Variants in REEP1 observed in about 807,000 individuals in gnomAD.
REEP1 encodes receptor accessory protein 1.
REEP1 carries 22 observed loss-of-function variants against 40.3 expected under a neutral mutation model. The observed-to-expected ratio is 0.55, with a 90% confidence interval of 0.39 to 0.78. The LOEUF is 0.78. Among genes scored for constraint, REEP1 ranks in the 30% least tolerant of loss-of-function variants. The pLI is 0.00. For missense variants in REEP1, 280 were observed against 361.1 expected (o/e 0.78, Z 1.82); for synonymous variants, 116 against 139.2 (o/e 0.83, Z 1.17).
intron 6 of REEP1, 144 bp from the exon 7 acceptor site, chr2:86,227,542 A>ACC: frequency 3.5e-6 from 2 of 573,444 alleles, no homozygotes; most frequent in South Asian, 9.1e-5. Flanking sequence ...CTCTGTAGAG[A>ACC]CACCAAAGTG....
chr2:86,302,065 T>C (rs974606958), intron 1 of REEP1, among the ~76,000 whole-genome samples: 2 of 152,252 alleles, frequency 1.3e-5, no homozygotes, highest in African/African-American at 4.8e-5. Context: ...TCCTCATTAA[T>C]GGATGTGCAG....
chr2:86,253,037 T>G (rs922563106), intron 4 of REEP1, among the ~76,000 whole-genome samples: 3 of 152,236 alleles, frequency 2.0e-5, no homozygotes, highest in African/African-American at 7.2e-5. Context: ...ATCCCAGCAC[T>G]TTGGGAGGCC....
chr2:86,332,880 T>A (rs1279310322), intron 1 of REEP1, among the ~76,000 whole-genome samples: 1 of 152,246 alleles, frequency 6.6e-6, no homozygotes, highest in Non-Finnish European at 1.5e-5. Flanking sequence ...AGAGGAACAC[T>A]GACTCTTGGA....
At chr2:86,263,870 G>A in intron 3 of REEP1, 95 bp downstream of exon 3, 1 of 876,526 alleles carries the variant, frequency 1.1e-6, no homozygotes, top group Non-Finnish European at 2.0e-6. Flanking sequence ...GGCCTGAGGT[G>A]AGGTTTGAGG....
chr2:86,242,800 A>G (rs1335329435), intron 5 of REEP1, among the ~76,000 whole-genome samples: 1 of 152,186 alleles, frequency 6.6e-6, no homozygotes, highest in Non-Finnish European at 1.5e-5. Context: ...AGCTACTGCA[A>G]GAGTCCAAGC....
chr2:86,220,009 G>C lies in REEP1; in HGVS notation c.744C>G (p.Tyr248Ter). ...DEEEDLLDFMYKYKAPRRMEL... is the reference protein window; with the variant it reads ...DEEEDLLDFM ...CCATCCTTCGAGGTGCTTTATACTT[G>C]TACATGAAATCCAGCAGGTCTTCCT... Residue 248 changes from tyrosine (Y) to a stop codon, truncating the protein, a stop_gained, in exon 8 of 9, where the codon TAC (tyrosine) becomes TAG (stop). Transcript: ENST00000538924. LOFTEE classifies it high-confidence loss of function. The C allele has an allele frequency of 8.1e-7, 1 of 1,232,162 alleles. No individual in the cohort carries two copies. The highest frequency in any genetic ancestry group is 1.0e-6 in the Non-Finnish European group (1 of 988,008). 76.3% of individuals were successfully genotyped at this position (1,232,162 alleles called of 1,614,324 possible).
chr2:86,278,656 G>T (rs35807694), intron 2 of REEP1, among the ~76,000 whole-genome samples: 10,222 of 152,218 alleles, frequency 0.067, 529 homozygotes, highest in African/African-American at 0.13. Context: ...ATCTTTGTGG[G>T]AGGAAAGTCC....
intron 8 of REEP1, among the ~76,000 whole-genome samples, 183 bp downstream of exon 8, chr2:86,219,787 C>T (rs1674322618): frequency 2.0e-5 from 3 of 152,152 alleles, no homozygotes; most frequent in Admixed American, 6.5e-5. Context: ...ATTTCCTCTC[C>T]TTGGCAAGTA....
chr2:86,264,324 C>G (rs2104305193), intron 2 of REEP1, among the ~76,000 whole-genome samples: 1 of 152,248 alleles, frequency 6.6e-6, no homozygotes, highest in South Asian at 2.1e-4. Context: ...AGGATTCAAT[C>G]AGGTCATTTT....
At chr2:86,305,622 AT>A (rs1358695656) in intron 1 of REEP1, among the ~76,000 whole-genome samples, 1 of 152,140 alleles carries the variant, frequency 6.6e-6, no homozygotes, top group Non-Finnish European at 1.5e-5. Context: ...GGGCCTGAAC[AT>A]CTGCCCTTCT....
At chr2:86,257,280 C>T (rs908535843) in intron 3 of REEP1, among the ~76,000 whole-genome samples, 5 of 152,032 alleles carry the variant, frequency 3.3e-5, no homozygotes, top group South Asian at 4.1e-4. Context: ...CACTGCAGCT[C>T]TTTTATTTAT....
chr2:86,296,524 G>C (rs144164778), intron 1 of REEP1, among the ~76,000 whole-genome samples: 120 of 152,336 alleles, frequency 7.9e-4, no homozygotes, highest in African/African-American at 2.5e-3. Flanking sequence ...GCTTTGCTGA[G>C]GAAATACTTT....
chr2:86,337,440 G>T lies in REEP1; in HGVS notation c.32+39C>A. The T allele has an allele frequency of 8.2e-7, 1 of 1,223,152 alleles. No individual in the cohort carries two copies. The highest frequency in any genetic ancestry group is 1.0e-6 in the Non-Finnish European group (1 of 973,624). 75.8% of individuals were successfully genotyped at this position (1,223,152 alleles called of 1,614,324 possible). On this transcript the variant is annotated intron_variant, in intron 1 of 8. Coordinates refer to ENST00000538924, the MANE Select transcript of REEP1 (RefSeq NM_001371279.1). This position sits in a 1 kb window ranked among gnomAD's most constrained non-coding sequence, Gnocchi z 5.8. ...CGCAGCCCGGGGCCGGGGGCGGGGA[G>T]GGAGGGGACGGAGGGGCGCGGGGGA...
chr2:86,262,161 C>T (rs551177203), intron 3 of REEP1, among the ~76,000 whole-genome samples: 1 of 152,328 alleles, frequency 6.6e-6, no homozygotes, highest in East Asian at 1.9e-4. Flanking sequence ...CCTGGGTCCC[C>T]CTATTTTTTT....
rs1674030262 is a variant in REEP1, at chr2:86,215,041, TTTTTTG to T, written c.*1992_*1997del. ...GTGTAAGCTTTTTTTTTTTTTTTTT[TTTTTTG>T]CATTCGTTTCTGATAATTCTGGGTA... On this transcript the variant is annotated 3_prime_UTR_variant, in exon 9 of 9. Coordinates refer to ENST00000538924, the MANE Select transcript of REEP1 (RefSeq NM_001371279.1). 6.7e-6 allele frequency: 1 copy of T among 150,312 alleles called. No homozygotes were observed. Among genetic ancestry groups the T allele is most frequent in the Non-Finnish European group, 1.5e-5 (1 of 67,586 alleles). The allele number at this position is 150,312 out of a possible 1,614,324, so 9.3% of individuals were successfully genotyped here. A position where few individuals can be genotyped will look rare whatever the true frequency, so the allele number is the denominator to read the frequency against.
chr2:86,279,884 A>G (rs1382645041), intron 2 of REEP1: 1 of 449,332 alleles, frequency 2.2e-6, no homozygotes, highest in Non-Finnish European at 4.5e-6. Flanking sequence ...AATAGTACAC[A>G]GGTGTTTTAA....
At chr2:86,239,551 C>T (rs1445851794) in intron 5 of REEP1, among the ~76,000 whole-genome samples, 2 of 152,180 alleles carry the variant, frequency 1.3e-5, no homozygotes, top group East Asian at 3.8e-4. Context: ...CCTTCCAAAC[C>T]CCATGGGGTG....
At chr2:86,253,003 C>T (rs1319294726) in intron 4 of REEP1, among the ~76,000 whole-genome samples, 1 of 152,144 alleles carries the variant, frequency 6.6e-6, no homozygotes, top group East Asian at 1.9e-4. Context: ...GTTTGTCGGC[C>T]GGGTGCAGTG....
chr2:86,299,306 A>G (rs562181252), intron 1 of REEP1, among the ~76,000 whole-genome samples: 100 of 152,304 alleles, frequency 6.6e-4, no homozygotes, highest in Non-Finnish European at 1.2e-3. Context: ...TTGGGGCCAG[A>G]CAATTCTTTG....
Sources: gnomAD v4.1 joint callset for allele counts (sites outside exome capture counted in the v4.1 genomes callset) on GRCh38, gnomAD v4.1.1 for gene constraint, Gnocchi (gnomAD v3.1) non-coding constraint, MANE v1.5 for transcripts, NCBI Gene and HGNC (gene_info 2026-07-23, HGNC 2026-07-21) for gene names.